PDE4B: variants seen among roughly 807,000 people sequenced by gnomAD.
PDE4B encodes phosphodiesterase 4B, also known as 3',5'-cyclic-AMP phosphodiesterase 4B.
A neutral mutation model predicts 82.2 loss-of-function variants in PDE4B; 20 were observed. The ratio of observed to expected loss-of-function variants is 0.24; its 90% CI spans 0.17 to 0.35. The LOEUF (loss-of-function observed/expected upper bound fraction) is 0.35, where lower values mean the gene tolerates loss of function less well. Among genes scored for constraint, PDE4B ranks in the 10% least tolerant of loss-of-function variants. The probability of loss-of-function intolerance (pLI) is 1.00; values close to 1 mark genes in which losing one functional copy is unlikely to be tolerated. For synonymous variants in PDE4B, 320 were observed against 318.9 expected (o/e 1.00, Z -0.04); for missense variants, 655 against 907.2 (o/e 0.72, Z 3.57).
At chr1:65,970,287 T>C (rs1650061571) in intron 3 of PDE4B, among the ~76,000 whole-genome samples, 1 of 152,136 alleles carries the variant, frequency 6.6e-6, no homozygotes, top group African/African-American at 2.4e-5. Context: ...CATATGAAAC[T>C]GACAATACAA....
chr1:66,072,452 A>G (rs1463525144), intron 3 of PDE4B, among the ~76,000 whole-genome samples: 2 of 152,072 alleles, frequency 1.3e-5, no homozygotes, highest in African/African-American at 2.4e-5. Context: ...AAATTCTACT[A>G]CTAAAATGCT....
chr1:66,001,141 A>G (rs1651842841), intron 3 of PDE4B, among the ~76,000 whole-genome samples: 1 of 152,162 alleles, frequency 6.6e-6, no homozygotes, highest in African/African-American at 2.4e-5. Flanking sequence ...TCTTCATCTA[A>G]TATGTCCAGG....
intron 3 of PDE4B, among the ~76,000 whole-genome samples, chr1:66,147,257 A>T (rs1176592523): frequency 6.6e-6 from 1 of 152,240 alleles, no homozygotes; most frequent in Non-Finnish European, 1.5e-5. Flanking sequence ...TTCCTAATAA[A>T]TATTTCCTAA....
chr1:65,952,132 T>A (rs761021636), intron 3 of PDE4B, among the ~76,000 whole-genome samples: 5 of 152,060 alleles, frequency 3.3e-5, no homozygotes, highest in Non-Finnish European at 5.9e-5. Context: ...GAACCCTGAT[T>A]GTAGGACCCT....
chr1:65,998,374 A>C (rs958317782), intron 3 of PDE4B, among the ~76,000 whole-genome samples: 3 of 151,796 alleles, frequency 2.0e-5, no homozygotes, highest in Non-Finnish European at 2.9e-5. Flanking sequence ...TAGGGCTTCC[A>C]ATATCATGAA....
chr1:66,133,331 A>C (rs920001367), intron 3 of PDE4B, among the ~76,000 whole-genome samples: 1 of 152,182 alleles, frequency 6.6e-6, no homozygotes, highest in Non-Finnish European at 1.5e-5. Flanking sequence ...TATCTGAAGA[A>C]ATCTCAATGA....
chr1:66,165,952 GAA>G (rs138170760), intron 3 of PDE4B, among the ~76,000 whole-genome samples: 3 of 139,396 alleles, frequency 2.2e-5, no homozygotes, highest in Non-Finnish European at 1.6e-5. Flanking sequence ...ACCTTGAGGG[GAA>G]AAAAAAAAAA....
chr1:65,874,122 A>G (rs1410677246), intron 1 of PDE4B, among the ~76,000 whole-genome samples: 2 of 151,840 alleles, frequency 1.3e-5, no homozygotes, highest in African/African-American at 4.8e-5. Context: ...CTCCTTGAAG[A>G]GGTCCTTCAC....
chr1:66,055,291 C>T (rs377671994), intron 3 of PDE4B, among the ~76,000 whole-genome samples: 3 of 152,266 alleles, frequency 2.0e-5, no homozygotes, highest in Non-Finnish European at 2.9e-5. Flanking sequence ...GTTTGCGTAA[C>T]GCTTATCAGG....
rs180794412 is a variant in PDE4B at position 65,837,166 on chromosome 1, T to G, written c.-71+43918T>G. ...ACATGTATATAAACAACAATTTACATTTTTCTATATATACTGCCCTAGAGA... is the reference window on the plus strand; with the variant it reads ...ACATGTATATAAACAACAATTTACAGTTTTCTATATATACTGCCCTAGAGA... On this transcript the variant is annotated intron_variant, in intron 1 of 16. Coordinates refer to ENST00000341517, the MANE Select transcript of PDE4B (RefSeq NM_002600.4). Among the ~76,000 whole-genome samples, 211 of 152,212 alleles carry G rather than the reference T, an allele frequency of 1.4e-3. 1 individual carries two copies. The highest frequency in any genetic ancestry group is 4.9e-3 in the African/African-American group (205 of 41,532).
At chr1:66,164,755 C>CTTTTTTTTTTTTTT (rs145224852) in intron 3 of PDE4B, among the ~76,000 whole-genome samples, 1 of 87,874 alleles carries the variant, frequency 1.1e-5, no homozygotes, top group Non-Finnish European at 2.1e-5. Flanking sequence ...CTTTTCTTTT[C>CTTTTTTTTTTTTTT]TTTTTTTTTT....
At chr1:66,229,467 C>T (rs1226328916) in intron 3 of PDE4B, among the ~76,000 whole-genome samples, 1 of 152,218 alleles carries the variant, frequency 6.6e-6, no homozygotes, top group Non-Finnish European at 1.5e-5. Flanking sequence ...ACCAATCTTC[C>T]ATGAACTTAT....
chr1:66,097,674 T>A (rs1645143451), intron 3 of PDE4B, among the ~76,000 whole-genome samples: 1 of 152,016 alleles, frequency 6.6e-6, no homozygotes, highest in African/African-American at 2.4e-5. Context: ...TATTACTCTT[T>A]CTCTCTATCT....
At chr1:65,857,070 G>C (rs1348024042) in intron 1 of PDE4B, among the ~76,000 whole-genome samples, 5 of 152,124 alleles carry the variant, frequency 3.3e-5, no homozygotes, top group African/African-American at 1.2e-4. Context: ...GCTGGTGCCT[G>C]TTCTAGCTCC....
At chr1:66,198,249 C>T (rs1195428297) in intron 3 of PDE4B, among the ~76,000 whole-genome samples, 2 of 152,094 alleles carry the variant, frequency 1.3e-5, no homozygotes, top group Non-Finnish European at 2.9e-5. Flanking sequence ...AAAATCTACT[C>T]TTCTGAGTGA....
rs185769721 is a variant in PDE4B at position 66,081,630 on chromosome 1, C to T, written c.281+162795C>T. On this transcript the variant is annotated intron_variant, in intron 3 of 16. Coordinates refer to ENST00000341517, the MANE Select transcript of PDE4B (RefSeq NM_002600.4). ...TTGTTGATGATTCTAAAGGAAATTTCATGTTTTATCAGGAACCCTGGTAGC... is the reference window on the plus strand; with the variant it reads ...TTGTTGATGATTCTAAAGGAAATTTTATGTTTTATCAGGAACCCTGGTAGC... Among the ~76,000 whole-genome samples, 3 of 152,156 alleles carry T rather than the reference C, an allele frequency of 2.0e-5. No individual in the cohort carries two copies. The East Asian group carries it at 5.8e-4, about 29-fold the overall frequency.
chr1:66,168,601 G>T (rs1380126226), intron 3 of PDE4B, among the ~76,000 whole-genome samples: 1 of 152,150 alleles, frequency 6.6e-6, no homozygotes, highest in Non-Finnish European at 1.5e-5. Flanking sequence ...TGAGGAATGA[G>T]GACCGTACCT....
intron 3 of PDE4B, among the ~76,000 whole-genome samples, chr1:66,186,071 A>G (rs1376279326): frequency 4.6e-5 from 7 of 152,168 alleles, no homozygotes; most frequent in Non-Finnish European, 1.0e-4. Flanking sequence ...CAGTTTTCCC[A>G]GCACCATTTA....
At chr1:66,078,078 T>C (rs1036909851) in intron 3 of PDE4B, among the ~76,000 whole-genome samples, 7 of 152,184 alleles carry the variant, frequency 4.6e-5, no homozygotes, top group Non-Finnish European at 1.0e-4. Context: ...ATAACCATTT[T>C]ACGAAAGAGA....
Sources: gnomAD v4.1 joint callset for allele counts (sites outside exome capture counted in the v4.1 genomes callset) on GRCh38, gnomAD v4.1.1 for gene constraint, MANE v1.5 for transcripts, NCBI Gene and HGNC (gene_info 2026-07-23, HGNC 2026-07-21) for gene names.